The following CRYBG1 variants were observed in gnomAD, a reference collection of about 807,000 sequenced individuals.
CRYBG1 encodes beta/gamma crystallin domain-containing protein 1.
CRYBG1 carries 139 observed loss-of-function variants against 189.2 expected under a neutral mutation model. That is an observed-to-expected ratio of 0.73 (90% confidence interval 0.64 to 0.85). The LOEUF is 0.85. Ranked by LOEUF, CRYBG1 falls within the 40% of genes least tolerant of loss-of-function variation. The pLI is 0.00. For synonymous variants in CRYBG1, 1,023 were observed against 1,017.1 expected (o/e 1.01, Z -0.11); for missense variants, 2,611 against 2,675.8 (o/e 0.98, Z 0.53).
intron 2 of CRYBG1, among the ~76,000 whole-genome samples, chr6:106,498,641 G>A (rs936929397): frequency 6.6e-6 from 1 of 152,140 alleles, no homozygotes; most frequent in Non-Finnish European, 1.5e-5. Context: ...TTGGGAGGCT[G>A]AGGTGGGCAG....
intron 1 of CRYBG1, among the ~76,000 whole-genome samples, chr6:106,426,231 G>A (rs150314212): frequency 1.8e-3 from 273 of 152,110 alleles, no homozygotes; most frequent in African/African-American, 6.3e-3. Flanking sequence ...CCTTTCACTC[G>A]TGCTCCTGAC....
At chr6:106,484,930 G>A (rs528003359) in intron 2 of CRYBG1, among the ~76,000 whole-genome samples, 3 of 152,184 alleles carry the variant, frequency 2.0e-5, no homozygotes, top group African/African-American at 7.2e-5. Context: ...GTTCAAGCCT[G>A]CAGTGAGCTA....
intron 2 of CRYBG1, among the ~76,000 whole-genome samples, chr6:106,454,240 G>A (rs1355056504): frequency 1.3e-5 from 2 of 152,060 alleles, no homozygotes; most frequent in Non-Finnish European, 2.9e-5. Context: ...CCGGGAGGAG[G>A]CAAGAGGCAG....
rs141300996 is a variant in CRYBG1 at position 106,555,811 on chromosome 6, G to A, written c.5629G>A (p.Val1877Met). 4,460 of 1,614,136 alleles carry A rather than the reference G, an allele frequency of 2.8e-3. 28 individuals carry two copies. Among genetic ancestry groups the A allele is most frequent in the Admixed American group, 0.016 (947 of 60,022 alleles). The change falls in exon 17 of 22, where the codon GTG becomes ATG. Residue 1877 changes from valine (V) to methionine (M), a missense_variant. Physicochemically the swap from Val to Met is conservative, Grantham distance 21. This residue lies in a region of CRYBG1 where 1,622 missense variants were observed against 1,735.0 expected (regional missense o/e 0.93). Coordinates refer to ENST00000633556, the MANE Select transcript of CRYBG1 (RefSeq NM_001371242.2). ...DGENFTGNQY[V>M]LEEGHYPCLS... ...AGAAAATTTCACTGGTAATCAATAC[G>A]TGTTGGAAGAAGGCCATTATCCTTG...
At chr6:106,399,394 T>G (rs1030505911) in intron 1 of CRYBG1, among the ~76,000 whole-genome samples, 1 of 152,238 alleles carries the variant, frequency 6.6e-6, no homozygotes, top group Non-Finnish European at 1.5e-5. Flanking sequence ...AACTCACTAC[T>G]TTATAACTTA....
intron 1 of CRYBG1, among the ~76,000 whole-genome samples, chr6:106,364,211 C>T (rs927779935): frequency 6.6e-6 from 1 of 152,022 alleles, no homozygotes; most frequent in African/African-American, 2.4e-5. Flanking sequence ...CCTGTAATCC[C>T]AGCTACTCAG....
At chr6:106,478,390 C>T (rs1772377619) in intron 2 of CRYBG1, among the ~76,000 whole-genome samples, 1 of 152,154 alleles carries the variant, frequency 6.6e-6, no homozygotes, top group African/African-American at 2.4e-5. Context: ...GAAACTGATG[C>T]ATATACTGAA....
chr6:106,518,713 T>C (rs1773497550), intron 3 of CRYBG1, among the ~76,000 whole-genome samples: 6 of 152,152 alleles, frequency 3.9e-5, no homozygotes, highest in African/African-American at 1.2e-4. Flanking sequence ...ATCCCAGCAC[T>C]TGGGGAGGCC....
chr6:106,387,115 G>T (rs1193335946), intron 1 of CRYBG1, among the ~76,000 whole-genome samples: 2 of 152,098 alleles, frequency 1.3e-5, no homozygotes, highest in Non-Finnish European at 2.9e-5. Context: ...AATATCCAGA[G>T]GTGGAACCCA....
intron 2 of CRYBG1, among the ~76,000 whole-genome samples, chr6:106,452,265 A>T (rs1771798907): frequency 7.5e-6 from 1 of 133,848 alleles, no homozygotes. Context: ...AAAAAAAAAA[A>T]CAAAAAAATT....
Position 106,519,712 on chromosome 6 carries a change from C to A in CRYBG1, c.2504C>A (p.Ala835Glu), listed in dbSNP as rs775593813. The change falls in exon 4 of 22, where the codon GCA becomes GAA. Residue 835 changes from alanine to glutamate, a missense_variant. Ala to Glu is a moderately radical substitution (Grantham distance 107). Transcript: ENST00000633556. Reference sequence around the variant, plus strand: ...GTACTTGAAAATGTAACCGATACAGCACAAGACATCCCCACCACTGTGGAT... The same window carrying A: ...GTACTTGAAAATGTAACCGATACAGAACAAGACATCCCCACCACTGTGGAT... ...SLVLENVTDT[A>E]QDIPTTVDTK... The A allele has an allele frequency of 6.2e-7, 1 of 1,614,180 alleles. No individual in the cohort carries two copies. The highest frequency in any genetic ancestry group is 1.7e-5 in the Admixed American group (1 of 60,024).
At chr6:106,400,050 C>T (rs554716301) in intron 1 of CRYBG1, among the ~76,000 whole-genome samples, 8 of 148,908 alleles carry the variant, frequency 5.4e-5, no homozygotes, top group East Asian at 2.0e-4. Context: ...GTGGGAGAAT[C>T]GCTTGAACCC....
rs748410382 is a variant in CRYBG1 at position 106,520,179 on chromosome 6, A to T, written c.2971A>T (p.Ser991Cys). The change falls in exon 4 of 22, where the codon AGT becomes TGT. Residue 991 changes from serine (S) to cysteine (C), a missense_variant. Ser to Cys is a moderately radical substitution (Grantham distance 112). Coordinates refer to ENST00000633556, the MANE Select transcript of CRYBG1 (RefSeq NM_001371242.2). ...VREVQLPTCHSNEPEVVSVAS... is the reference protein window; with the variant it reads ...VREVQLPTCHCNEPEVVSVAS... ...AGAAGTGCAGTTGCCAACTTGTCAC[A>T]GTAATGAACCTGAAGTGGTTTCCGT... 8 of 1,614,206 alleles carry T rather than the reference A, an allele frequency of 5.0e-6. No individual in the cohort carries two copies. The East Asian group carries it at 1.3e-4, about 27-fold the overall frequency.
rs1420491755 is a variant in CRYBG1 at position 106,543,436 on chromosome 6, G to A, written c.4882-4G>A. The A allele has an allele frequency of 3.7e-6, 6 of 1,609,464 alleles. No individual in the cohort carries two copies. The highest frequency in any genetic ancestry group is 4.3e-6 in the Non-Finnish European group (5 of 1,176,210). On this transcript the variant is annotated splice_polypyrimidine_tract_variant and splice_region_variant and intron_variant, in intron 10 of 21. Transcript: ENST00000633556. ...ATTACTGGTATATCTCATTTCTATT[G>A]TAGGTAGTTGTTTATGAAAAGCCTT...
At chr6:106,368,244 C>T (rs1398372537) in intron 1 of CRYBG1, among the ~76,000 whole-genome samples, 1 of 151,982 alleles carries the variant, frequency 6.6e-6, no homozygotes, top group African/African-American at 2.4e-5. Context: ...ATAGCGAGAT[C>T]CCATCTCTTA....
At chr6:106,505,735 T>TA (rs1773117379) in intron 2 of CRYBG1, among the ~76,000 whole-genome samples, 1 of 151,618 alleles carries the variant, frequency 6.6e-6, no homozygotes, top group Non-Finnish European at 1.5e-5. Context: ...TTTTTTTTTT[T>TA]ACAAAAAAAC....
intron 2 of CRYBG1, among the ~76,000 whole-genome samples, chr6:106,476,591 GA>G (rs554519190): frequency 9.2e-5 from 14 of 151,830 alleles, no homozygotes; most frequent in Non-Finnish European, 1.9e-4. Context: ...TTGAGGTGGA[GA>G]TTTTTTTAAT....
chr6:106,437,414 T>C (rs1331483101), intron 1 of CRYBG1, among the ~76,000 whole-genome samples: 1 of 148,184 alleles, frequency 6.7e-6, no homozygotes, highest in African/African-American at 2.4e-5. Context: ...ACTACCAATA[T>C]TTTTCTTCTT....
intron 2 of CRYBG1, among the ~76,000 whole-genome samples, chr6:106,469,244 A>G (rs1455699845): frequency 1.3e-5 from 2 of 152,224 alleles, no homozygotes; most frequent in Non-Finnish European, 2.9e-5. Context: ...CTTATTGGTC[A>G]CAGCTTAGCT....
Sources: allele counts gnomAD v4.1 joint callset (sites outside exome capture counted in the v4.1 genomes callset), GRCh38; gene constraint gnomAD v4.1.1; regional missense constraint gnomAD v4.1.1; transcripts MANE v1.5; gene names NCBI Gene and HGNC (gene_info 2026-07-23, HGNC 2026-07-21).